Variants in ZC3H12B observed in about 807,000 individuals in gnomAD.
ZC3H12B encodes zinc finger CCCH-type containing 12B.
A neutral mutation model predicts 43.9 loss-of-function variants in ZC3H12B; 7 were observed. That is an observed-to-expected ratio of 0.16 (90% CI 0.09 to 0.30). ZC3H12B has a LOEUF of 0.30. ZC3H12B is among the 10% of genes least tolerant of loss of function. The pLI is 1.00. For synonymous variants in ZC3H12B, 222 were observed against 241.7 expected, an observed-to-expected ratio of 0.92 and a Z score of 0.76; for missense variants, 475 against 670.2, an observed-to-expected ratio of 0.71 and a Z score of 3.22.
At chrX:65,220,917 G>A in the ZC3H12B span, among the ~76,000 whole-genome samples, 1 of 111,385 alleles carries the variant, frequency 9.0e-6, no homozygotes, top group Non-Finnish European at 1.9e-5. Flanking sequence ...ATCAGCACAT[G>A]GAACATTCTC....
At chrX:65,302,840 GTAAA>G in the ZC3H12B span, among the ~76,000 whole-genome samples, 1 of 111,812 alleles carries the variant, frequency 8.9e-6, no homozygotes, top group Non-Finnish European at 1.9e-5. Flanking sequence ...TGGAAAACCT[GTAAA>G]TAAACTCACA....
chrX:65,341,346 A>G, the ZC3H12B span, among the ~76,000 whole-genome samples: 1 of 112,144 alleles, frequency 8.9e-6, no homozygotes, highest in Non-Finnish European at 1.9e-5. Flanking sequence ...TTCAAATTAA[A>G]GAAATGTAGA....
the ZC3H12B span, among the ~76,000 whole-genome samples, chrX:65,277,520 A>C: frequency 1.8e-5 from 2 of 111,816 alleles, no homozygotes; most frequent in African/African-American, 6.5e-5. Context: ...CAAATATATA[A>C]TCTAATAACA....
chrX:65,215,099 A>G, the ZC3H12B span, among the ~76,000 whole-genome samples: 1 of 111,911 alleles, frequency 8.9e-6, no homozygotes, highest in Non-Finnish European at 1.9e-5. Context: ...ATGTACTCTC[A>G]TCCAGGCTTC....
chrX:65,163,922 C>T, the ZC3H12B span, among the ~76,000 whole-genome samples: 4 of 111,968 alleles, frequency 3.6e-5, no homozygotes, highest in East Asian at 2.8e-4. Context: ...GGCTCCCCCC[C>T]TCTGCTGGCA....
At chrX:65,228,458 C>A in the ZC3H12B span, among the ~76,000 whole-genome samples, 2 of 111,198 alleles carry the variant, frequency 1.8e-5, no homozygotes, top group African/African-American at 6.6e-5. Context: ...GAAGCATTCC[C>A]TTTGAAAACT....
At chrX:65,231,332 T>C in the ZC3H12B span, among the ~76,000 whole-genome samples, 8 of 111,227 alleles carry the variant, frequency 7.2e-5, no homozygotes, top group Non-Finnish European at 1.5e-4. Context: ...TGAGGGTCCA[T>C]GTCTCACTGG....
intron 3 of ZC3H12B, among the ~76,000 whole-genome samples, chrX:65,434,940 A>G (rs1294214561): frequency 9.0e-6 from 1 of 111,336 alleles, no homozygotes; most frequent in African/African-American, 3.3e-5. Context: ...AAAAAAGAAA[A>G]AAAGGGCTTA....
chrX:65,448,936 G>GAAAAGAAAGAAAGAAAGA (rs1569412131), intron 3 of ZC3H12B, among the ~76,000 whole-genome samples: 3 of 2,574 alleles, frequency 1.2e-3, no homozygotes, highest in Non-Finnish European at 2.3e-3. Context: ...GAAAGAGAAG[G>GAAAAGAAAGAAAGAAAGA]AAAAGAAAGA....
At chrX:65,094,908 T>C in the ZC3H12B span, among the ~76,000 whole-genome samples, 1 of 112,104 alleles carries the variant, frequency 8.9e-6, no homozygotes, top group Admixed American at 9.5e-5. Context: ...ATTTTACTTA[T>C]GGAATTGAAC....
At chrX:65,100,499 C>T in the ZC3H12B span, among the ~76,000 whole-genome samples, 1 of 90,300 alleles carries the variant, frequency 1.1e-5, no homozygotes, top group African/African-American at 4.2e-5. Context: ...AGACCCATTT[C>T]ACATGCAGAG....
At chrX:65,344,865 A>G in the ZC3H12B span, among the ~76,000 whole-genome samples, 1 of 112,343 alleles carries the variant, frequency 8.9e-6, no homozygotes, top group African/African-American at 3.2e-5. Context: ...ATTTACAAGG[A>G]AAAAACAACC....
At chrX:65,385,917 C>G (rs2066517687) in intron 2 of ZC3H12B, among the ~76,000 whole-genome samples, 1 of 112,279 alleles carries the variant, frequency 8.9e-6, no homozygotes, top group African/African-American at 3.2e-5. Context: ...TGGTTTTTGT[C>G]TTTGGTTCTG....
the ZC3H12B span, among the ~76,000 whole-genome samples, chrX:65,168,094 G>C: frequency 8.9e-6 from 1 of 111,752 alleles, no homozygotes; most frequent in Admixed American, 9.5e-5. Flanking sequence ...TAGTGAGAGA[G>C]GACATCCCTG....
the ZC3H12B span, among the ~76,000 whole-genome samples, chrX:65,188,943 C>A: frequency 2.9e-5 from 2 of 68,108 alleles, no homozygotes; most frequent in Non-Finnish European, 5.3e-5. Context: ...CTATCCCTCC[C>A]CCCTCCCCCC....
the ZC3H12B span, among the ~76,000 whole-genome samples, chrX:65,256,054 A>T: frequency 8.9e-6 from 1 of 112,141 alleles, no homozygotes; most frequent in African/African-American, 3.2e-5. Context: ...TCAGAATCCT[A>T]TGAAGATATA....
At chrX:65,086,626 A>G in the ZC3H12B span, among the ~76,000 whole-genome samples, 1 of 112,015 alleles carries the variant, frequency 8.9e-6, no homozygotes, top group Non-Finnish European at 1.9e-5. Flanking sequence ...AAGATCCGAG[A>G]TAACTTCTTT....
chrX:65,452,229 A>G (rs1403845444), intron 3 of ZC3H12B, among the ~76,000 whole-genome samples: 1 of 111,565 alleles, frequency 9.0e-6, no homozygotes, highest in East Asian at 2.8e-4. Context: ...ATCAGTAAAG[A>G]GGAAGTCAAA....
chrX:65,231,253 G>T, the ZC3H12B span, among the ~76,000 whole-genome samples: 1 of 110,773 alleles, frequency 9.0e-6, no homozygotes, highest in Non-Finnish European at 1.9e-5. Flanking sequence ...TGCTTCAAAG[G>T]GCAATAAAAG....
Sources: allele counts gnomAD v4.1 joint callset (sites outside exome capture counted in the v4.1 genomes callset), GRCh38; gene constraint gnomAD v4.1.1; transcripts MANE v1.5; gene names NCBI Gene and HGNC (gene_info 2026-07-23, HGNC 2026-07-21).